The following PRKN variants were observed in gnomAD, a reference collection of about 807,000 sequenced individuals.
PRKN encodes the protein parkin RBR E3 ubiquitin protein ligase.
A neutral mutation model predicts 59.5 loss-of-function variants in PRKN; 56 were observed. The observed-to-expected ratio is 0.94, with a 90% CI of 0.76 to 1.18. The LOEUF (loss-of-function observed/expected upper bound fraction) is 1.18, where lower values mean the gene tolerates loss of function less well. Ranked by LOEUF, PRKN falls within the 50% of genes most tolerant of loss-of-function variation. The pLI, the probability that PRKN is intolerant of heterozygous loss-of-function variation, is 0.00. For synonymous variants in PRKN, 250 were observed against 222.1 expected, an observed-to-expected ratio of 1.13 and a Z score of -1.12; for missense variants, 657 against 596.4, an observed-to-expected ratio of 1.10 and a Z score of -1.06.
At chr6:161,944,577 T>A (rs765106860) in intron 6 of PRKN, among the ~76,000 whole-genome samples, 22 of 152,144 alleles carry the variant, frequency 1.4e-4, no homozygotes, top group Non-Finnish European at 2.5e-4. Context: ...TCCTTTCCCC[T>A]AGATGATGAG....
In PRKN at chr6:161,447,820, A is replaced by C. The variant is rs1157179014; in HGVS notation, c.1084-60943T>G. 6.6e-6 allele frequency among the ~76,000 whole-genome samples: 1 copy of C among 152,138 alleles called. No individual in the cohort carries two copies. Among genetic ancestry groups the C allele is most frequent in the Non-Finnish European group, 1.5e-5 (1 of 68,038 alleles). ...CTTTTTCTTTTAAACACATACATACATATATGTAAAAACAAAAGAAAATTT... is the reference window on the plus strand; with the variant it reads ...CTTTTTCTTTTAAACACATACATACCTATATGTAAAAACAAAAGAAAATTT... On this transcript the variant is annotated intron_variant, in intron 9 of 11. Transcript: ENST00000366898. This position sits in a 1 kb window ranked among gnomAD's most constrained non-coding sequence, Gnocchi z 4.1.
chr6:161,433,421 G>GA (rs1398671955), intron 9 of PRKN, among the ~76,000 whole-genome samples: 1 of 151,964 alleles, frequency 6.6e-6, no homozygotes, highest in Non-Finnish European at 1.5e-5. Flanking sequence ...ACTCAAGTAG[G>GA]AAAAAATGTT....
rs116038766 is a variant in PRKN, at chr6:161,751,992, G to T, written c.871+33780C>A. 3.4e-3 allele frequency among the ~76,000 whole-genome samples: 517 copies of T among 152,364 alleles called. 6 individuals carry two copies. The highest frequency in any genetic ancestry group is 0.012 in the African/African-American group (496 of 41,590). On this transcript the variant is annotated intron_variant, in intron 7 of 11. Transcript: ENST00000366898. ...CGAGGAGGCCTGTACAACTGCCACA[G>T]GGCAGGCAAGGGAAGGAGAGATATG...
intron 2 of PRKN, among the ~76,000 whole-genome samples, chr6:162,308,368 T>G (rs1163883271): frequency 6.6e-6 from 1 of 152,092 alleles, no homozygotes; most frequent in Non-Finnish European, 1.5e-5. Flanking sequence ...AAAAGATTGA[T>G]GAAGAGGTAT....
rs12524431 is a variant in PRKN, at chr6:161,357,683, T to C, written c.1285+2405A>G. 2.2e-3 allele frequency among the ~76,000 whole-genome samples: 338 copies of C among 152,384 alleles called. 8 individuals carry two copies. Among genetic ancestry groups the C allele is most frequent in the Admixed American group, 0.02 (306 of 15,310 alleles). Reference sequence around the variant, plus strand: ...GGTAACATCTTGTTTCCAGTCTTTTTCTTCTGATTCTATTTTTTCCCACAC... The same window carrying C: ...GGTAACATCTTGTTTCCAGTCTTTTCCTTCTGATTCTATTTTTTCCCACAC... On this transcript the variant is annotated intron_variant, in intron 11 of 11. Transcript: ENST00000366898. This position sits in a 1 kb window ranked among gnomAD's most constrained non-coding sequence, Gnocchi z 5.5.
rs571753316 is a variant in PRKN, at chr6:162,326,122, G to A, written c.172-63357C>T. The stretch of plus-strand genomic sequence containing the variant: ...AATGAATGCTGAGTAGGGAGGAGAC[G>A]AAGCTTAGAAGCAAAAGGAAGCTTG... On this transcript the variant is annotated intron_variant, in intron 2 of 11. Transcript: ENST00000366898. 9.2e-5 allele frequency among the ~76,000 whole-genome samples: 14 copies of A among 152,212 alleles called. No individual in the cohort carries two copies. The South Asian group carries it at 1.7e-3, about 18-fold the overall frequency.
chr6:161,678,290 T>A (rs1318689744), intron 7 of PRKN, among the ~76,000 whole-genome samples: 1 of 144,998 alleles, frequency 6.9e-6, no homozygotes, highest in African/African-American at 2.6e-5. Context: ...TAATTCTGGC[T>A]TTACCATTCC....
chr6:162,719,986 C>T (rs1002517227), intron 1 of PRKN, among the ~76,000 whole-genome samples: 6 of 151,574 alleles, frequency 4.0e-5, no homozygotes, highest in East Asian at 1.9e-4. Context: ...TTTATTAATA[C>T]GAGCAAGTTT....
chr6:162,724,366 A>G lies in PRKN; in HGVS notation c.7+3296T>C, dbSNP rs544127379. On this transcript the variant is annotated intron_variant, in intron 1 of 11. Transcript: ENST00000366898. ...ACATCAATCACAATGCAGGTGGGAA[A>G]TGTAAGTACTTTTGAAACAGTCCTC... 2.2e-4 allele frequency among the ~76,000 whole-genome samples: 33 copies of G among 152,292 alleles called. 1 individual carries two copies. The South Asian group carries it at 6.4e-3, about 30-fold the overall frequency.
chr6:162,590,594 A>G (rs1305897808), intron 1 of PRKN, among the ~76,000 whole-genome samples: 1 of 152,110 alleles, frequency 6.6e-6, no homozygotes, highest in Non-Finnish European at 1.5e-5. Flanking sequence ...ATTGCAACCT[A>G]AATCAGTTTC....
chr6:161,750,142 CAT>C (rs1554300410), intron 7 of PRKN, among the ~76,000 whole-genome samples: 1 of 136,982 alleles, frequency 7.3e-6, no homozygotes, highest in East Asian at 2.6e-4. Flanking sequence ...CACACACACA[CAT>C]ATATAAATTA....
intron 6 of PRKN, among the ~76,000 whole-genome samples, chr6:161,867,363 T>G (rs1036027696): frequency 1.3e-5 from 2 of 152,216 alleles, no homozygotes; most frequent in Admixed American, 1.3e-4. Flanking sequence ...TTTCATATAA[T>G]TTTCATGTAT....
At position 161,348,503 on chromosome 6, in the gene PRKN, C is replaced by A. The variant is rs1408313865; in HGVS notation, c.*1596G>T. The A allele has an allele frequency of 4.7e-6, 1 of 213,114 alleles. No homozygotes were observed. The highest frequency in any genetic ancestry group is 9.5e-6 in the Non-Finnish European group (1 of 105,426). 13.2% of individuals were successfully genotyped at this position (213,114 alleles called of 1,614,324 possible). ...TGCAGAGCCCAGTCTCTCCCCGGTG[C>A]AGGGCCTCTGAGACGACGGGACTGT... On this transcript the variant is annotated 3_prime_UTR_variant, in exon 12 of 12. Coordinates refer to ENST00000366898, the MANE Select transcript of PRKN (RefSeq NM_004562.3). The surrounding 1 kb of genome is among the most constrained non-coding windows in gnomAD (Gnocchi z 4.9).
chr6:162,600,221 T>G (rs1296812216), intron 1 of PRKN, among the ~76,000 whole-genome samples: 1 of 152,192 alleles, frequency 6.6e-6, no homozygotes. Flanking sequence ...CTTAACTTCA[T>G]GCCATCACGT....
At chr6:162,224,139 G>A (rs950224469) in intron 3 of PRKN, among the ~76,000 whole-genome samples, 1 of 151,804 alleles carries the variant, frequency 6.6e-6, no homozygotes, top group Non-Finnish European at 1.5e-5. Flanking sequence ...GACTTAGTAG[G>A]GTTTAAGCTA....
chr6:161,762,808 C>T (rs905844415), intron 7 of PRKN, among the ~76,000 whole-genome samples: 1 of 152,284 alleles, frequency 6.6e-6, no homozygotes, highest in South Asian at 2.1e-4. Flanking sequence ...CTCAAATATA[C>T]TGGCACCAAG....
chr6:161,942,257 G>T (rs979223320), intron 6 of PRKN, among the ~76,000 whole-genome samples: 1 of 152,148 alleles, frequency 6.6e-6, no homozygotes, highest in Non-Finnish European at 1.5e-5. Context: ...CTCAGGCTGG[G>T]CGCGGTGGCT....
At chr6:162,694,364 T>C (rs1415227043) in intron 1 of PRKN, among the ~76,000 whole-genome samples, 1 of 152,058 alleles carries the variant, frequency 6.6e-6, no homozygotes, top group East Asian at 1.9e-4. Context: ...GTGATAACTG[T>C]GGCAATCCAG....
chr6:161,782,111 C>A (rs1200169004), intron 7 of PRKN, among the ~76,000 whole-genome samples: 1 of 152,036 alleles, frequency 6.6e-6, no homozygotes, highest in African/African-American at 2.4e-5. Context: ...TACGGGTGCA[C>A]ACAAGTCTAT....
Sources: gnomAD v4.1 joint callset for allele counts (sites outside exome capture counted in the v4.1 genomes callset) on GRCh38, gnomAD v4.1.1 for gene constraint, Gnocchi (gnomAD v3.1) non-coding constraint, MANE v1.5 for transcripts, NCBI Gene and HGNC (gene_info 2026-07-23, HGNC 2026-07-21) for gene names.